Variants in FAF1 observed in about 807,000 individuals in gnomAD.
FAF1 encodes Fas associated factor 1.
Under a neutral mutation model 92.5 loss-of-function variants are expected in FAF1, and 25 were observed. The ratio of observed to expected loss-of-function variants is 0.27; its 90% confidence interval spans 0.20 to 0.38. The LOEUF (loss-of-function observed/expected upper bound fraction) is 0.38. Ranked by LOEUF, FAF1 falls within the 10% of genes least tolerant of loss-of-function variation. FAF1 has a pLI of 1.00. For missense variants in FAF1, 636 were observed against 793.3 expected (o/e 0.80, Z 2.38); for synonymous variants, 234 against 273.2 (o/e 0.86, Z 1.42).
intron 1 of FAF1, among the ~76,000 whole-genome samples, chr1:50,874,657 C>A (rs1467357496): frequency 6.6e-6 from 1 of 152,008 alleles, no homozygotes; most frequent in Non-Finnish European, 1.5e-5. Flanking sequence ...CCATGCACAG[C>A]CAACTGCCCT....
intron 12 of FAF1, among the ~76,000 whole-genome samples, chr1:50,580,346 TA>T: frequency 6.6e-6 from 1 of 151,856 alleles, no homozygotes; most frequent in South Asian, 2.1e-4. Flanking sequence ...AAAATATAAA[TA>T]AATTTCAAAT....
chr1:50,554,386 TATATAGAGAG>T (rs1242491003), intron 13 of FAF1, among the ~76,000 whole-genome samples: 20 of 99,494 alleles, frequency 2.0e-4, no homozygotes, highest in Non-Finnish European at 3.4e-4. Flanking sequence ...TATATATATA[TATATAGAGAG>T]AGAGAGAGAG....
At chr1:50,680,553 G>T (rs1656376066) in intron 7 of FAF1, among the ~76,000 whole-genome samples, 1 of 151,728 alleles carries the variant, frequency 6.6e-6, no homozygotes, top group African/African-American at 2.4e-5. Flanking sequence ...TGTGGTGGTG[G>T]GTGTCTGTAA....
At chr1:50,742,162 A>AG (rs1250304908) in intron 5 of FAF1, among the ~76,000 whole-genome samples, 1 of 151,712 alleles carries the variant, frequency 6.6e-6, no homozygotes, top group East Asian at 1.9e-4. Flanking sequence ...TTAAAAAAAA[A>AG]AAAAATTAGC....
intron 2 of FAF1, among the ~76,000 whole-genome samples, chr1:50,830,244 T>G (rs1644140494): frequency 6.6e-6 from 1 of 152,142 alleles, no homozygotes; most frequent in Admixed American, 6.5e-5. Context: ...CAGCCTCCAG[T>G]GTAGCTGGGA....
At chr1:50,496,591 G>GT (rs1392252987) in intron 15 of FAF1, among the ~76,000 whole-genome samples, 1 of 152,132 alleles carries the variant, frequency 6.6e-6, no homozygotes, top group Non-Finnish European at 1.5e-5. Flanking sequence ...AGGTGAGGAG[G>GT]TGTAAAAGTT....
chr1:50,619,796 G>A (rs1653103661), intron 8 of FAF1, among the ~76,000 whole-genome samples: 1 of 152,036 alleles, frequency 6.6e-6, no homozygotes, highest in African/African-American at 2.4e-5. Flanking sequence ...TTTTTGTAGT[G>A]AGATTAGGGA....
At chr1:50,885,853 T>A (rs1374751927) in intron 1 of FAF1, among the ~76,000 whole-genome samples, 1 of 152,174 alleles carries the variant, frequency 6.6e-6, no homozygotes, top group Non-Finnish European at 1.5e-5. Context: ...GTATATTCTG[T>A]ATGTTTTTAT....
chr1:50,578,543 T>C (rs546377395), intron 12 of FAF1, among the ~76,000 whole-genome samples: 1 of 152,158 alleles, frequency 6.6e-6, no homozygotes, highest in Non-Finnish European at 1.5e-5. Context: ...TAAACCATAT[T>C]TACCTGTCAT....
At chr1:50,598,319 T>A (rs1651928825) in intron 8 of FAF1, among the ~76,000 whole-genome samples, 1 of 151,568 alleles carries the variant, frequency 6.6e-6, no homozygotes, top group Non-Finnish European at 1.5e-5. Context: ...ACCAATTAGC[T>A]GGGCATGGTG....
intron 8 of FAF1, among the ~76,000 whole-genome samples, chr1:50,633,391 A>G (rs1653874387): frequency 6.6e-6 from 1 of 152,202 alleles, no homozygotes; most frequent in Non-Finnish European, 1.5e-5. Flanking sequence ...CTCCACAATA[A>G]TAAGAACTTT....
rs112357322 is a variant in FAF1 at position 50,618,554 on chromosome 1, C to T, written c.745-22338G>A. Among the ~76,000 whole-genome samples the T allele has an allele frequency of 2.4e-3, 364 of 151,522 alleles. 7 individuals are homozygous for T. The highest frequency in any genetic ancestry group is 0.014 in the South Asian group (69 of 4,790). ...CTGGTATTACAGGCATGAGCCACCG[C>T]GCCCGGCCACCTAAATCTTTTTTAA... On this transcript the variant is annotated intron_variant, in intron 8 of 18. Coordinates refer to ENST00000396153, the MANE Select transcript of FAF1 (RefSeq NM_007051.3).
chr1:50,632,166 G>C (rs1436925544), intron 8 of FAF1, among the ~76,000 whole-genome samples: 1 of 152,110 alleles, frequency 6.6e-6, no homozygotes, highest in East Asian at 1.9e-4. Flanking sequence ...GAACACTATA[G>C]GGTAACAGAG....
At chr1:50,743,354 G>T (rs1659460848) in intron 5 of FAF1, among the ~76,000 whole-genome samples, 1 of 151,982 alleles carries the variant, frequency 6.6e-6, no homozygotes, top group Admixed American at 6.6e-5. Flanking sequence ...TTGAGATAGG[G>T]TCTCACTCTG....
chr1:50,678,843 T>C (rs1481186921), intron 7 of FAF1, among the ~76,000 whole-genome samples: 2 of 145,054 alleles, frequency 1.4e-5, no homozygotes, highest in Admixed American at 1.4e-4. Flanking sequence ...TCCCAACACT[T>C]TGGGAGGCCG....
chr1:50,744,409 C>T (rs930412196), intron 5 of FAF1, among the ~76,000 whole-genome samples: 3 of 151,862 alleles, frequency 2.0e-5, no homozygotes, highest in Non-Finnish European at 1.5e-5. Context: ...TAAAGCCTCT[C>T]AAAAAAAGGG....
rs1011242833 is a variant in FAF1 at position 50,813,910 on chromosome 1, T to C, written c.115-12233A>G. On this transcript the variant is annotated intron_variant, in intron 2 of 18. Transcript: ENST00000396153. ...TTCATACTATAGTTCCTCTTTGTCT[T>C]CAGGGAATACATTACAAGACACTCA... Among the ~76,000 whole-genome samples, 4 of 152,242 alleles carry C rather than the reference T, an allele frequency of 2.6e-5. No homozygotes were observed. In the East Asian group the frequency reaches 7.7e-4, roughly 29 times the overall value.
chr1:50,908,035 A>C (rs887463691), intron 1 of FAF1, among the ~76,000 whole-genome samples: 6 of 152,092 alleles, frequency 3.9e-5, no homozygotes, highest in Non-Finnish European at 5.9e-5. Flanking sequence ...CTCTACACAC[A>C]GCTTTAAAAG....
chr1:50,458,364 G>C (rs1470719915), intron 18 of FAF1, among the ~76,000 whole-genome samples: 3 of 152,184 alleles, frequency 2.0e-5, no homozygotes, highest in Non-Finnish European at 4.4e-5. Context: ...ACAATATTGA[G>C]AAATTTAAAC....
Sources: allele counts gnomAD v4.1 joint callset (sites outside exome capture counted in the v4.1 genomes callset), GRCh38; gene constraint gnomAD v4.1.1; transcripts MANE v1.5; gene names NCBI Gene and HGNC (gene_info 2026-07-23, HGNC 2026-07-21).